Variants in EEIG2 observed in about 807,000 individuals in gnomAD.
The protein encoded by EEIG2 is family with sequence similarity 102 member B.
chr1:108,605,747 C>T, the EEIG2 span, among the ~76,000 whole-genome samples: 4 of 152,142 alleles, frequency 2.6e-5, no homozygotes, highest in African/African-American at 4.8e-5. Context: ...AGCCTTTTCA[C>T]ATTAGGTAAG....
At chr1:108,626,395 TAGA>T in the EEIG2 span, 2 of 152,186 alleles carry the variant, frequency 1.3e-5, no homozygotes, top group African/African-American at 4.8e-5. Context: ...CGGGACACAG[TAGA>T]TGAGTGACTG....
At chr1:108,582,537 T>C in the EEIG2 span, among the ~76,000 whole-genome samples, 1 of 152,334 alleles carries the variant, frequency 6.6e-6, no homozygotes, top group African/African-American at 2.4e-5. Flanking sequence ...TGTTACGAAT[T>C]CTTAATTTTT....
the EEIG2 span, among the ~76,000 whole-genome samples, chr1:108,623,392 GA>G: frequency 6.6e-6 from 1 of 152,298 alleles, no homozygotes; most frequent in African/African-American, 2.4e-5. Context: ...CTAACTGGGG[GA>G]CTAAGGAAGA....
the EEIG2 span, among the ~76,000 whole-genome samples, chr1:108,568,029 A>G: frequency 6.6e-6 from 1 of 152,108 alleles, no homozygotes. Flanking sequence ...AAAAGAAAAG[A>G]AAAATGGTAC....
the EEIG2 span, among the ~76,000 whole-genome samples, chr1:108,622,401 C>T: frequency 1.3e-5 from 2 of 151,882 alleles, no homozygotes; most frequent in Non-Finnish European, 2.9e-5. Context: ...GTACAAAGGC[C>T]AAAACTCAAG....
At chr1:108,579,894 A>C in the EEIG2 span, among the ~76,000 whole-genome samples, 1 of 152,010 alleles carries the variant, frequency 6.6e-6, no homozygotes, top group African/African-American at 2.4e-5. Context: ...TATCCTGAGT[A>C]GCTGAGACTA....
At chr1:108,632,727 AATGAC>A in the EEIG2 span, among the ~76,000 whole-genome samples, 1 of 152,168 alleles carries the variant, frequency 6.6e-6, no homozygotes, top group Non-Finnish European at 1.5e-5. Flanking sequence ...TTAAAGGGTA[AATGAC>A]ATAATATACT....
At chr1:108,633,732 T>C in the EEIG2 span, among the ~76,000 whole-genome samples, 2 of 152,254 alleles carry the variant, frequency 1.3e-5, no homozygotes, top group Admixed American at 1.3e-4. Flanking sequence ...GTGTTTATTC[T>C]GCCTGGGGTT....
At chr1:108,627,277 G>A in the EEIG2 span, 1 of 152,324 alleles carries the variant, frequency 6.6e-6, no homozygotes, top group African/African-American at 2.4e-5. Flanking sequence ...CTTTGCAGAA[G>A]GACCAGGTTA....
chr1:108,619,498 A>T, the EEIG2 span, among the ~76,000 whole-genome samples: 3 of 152,254 alleles, frequency 2.0e-5, no homozygotes, highest in African/African-American at 7.2e-5. Flanking sequence ...TATGTCAAAT[A>T]TGTAAAGTCA....
At chr1:108,560,324 ACAGCTCGC>A in the EEIG2 span, 1 of 929,724 alleles carries the variant, frequency 1.1e-6, no homozygotes, top group Non-Finnish European at 1.3e-6. Context: ...GCCCCCGCGC[ACAGCTCGC>A]GGCCCCGGCC....
the EEIG2 span, chr1:108,635,778 A>G: frequency 2.6e-5 from 4 of 152,426 alleles, no homozygotes; most frequent in African/African-American, 9.6e-5. Context: ...AGTCAGAGAT[A>G]CGTGAATGGA....
the EEIG2 span, among the ~76,000 whole-genome samples, chr1:108,599,605 G>C: frequency 6.6e-6 from 1 of 152,164 alleles, no homozygotes; most frequent in South Asian, 2.1e-4. Flanking sequence ...GGACAAGTGG[G>C]CTTTAGATTT....
chr1:108,591,992 C>T, the EEIG2 span, among the ~76,000 whole-genome samples: 1 of 152,176 alleles, frequency 6.6e-6, no homozygotes, highest in Non-Finnish European at 1.5e-5. Context: ...AAAGAGGCCC[C>T]ATTAAGGAGG....
chr1:108,560,318 C>G, the EEIG2 span: 1 of 893,384 alleles, frequency 1.1e-6, no homozygotes, highest in East Asian at 1.1e-4. Flanking sequence ...GGCCGCGCCC[C>G]CGCGCACAGC....
chr1:108,591,563 C>T, the EEIG2 span, among the ~76,000 whole-genome samples: 1 of 152,178 alleles, frequency 6.6e-6, no homozygotes, highest in Non-Finnish European at 1.5e-5. Flanking sequence ...ATAGGAGACT[C>T]TGCCAGAAAC....
the EEIG2 span, among the ~76,000 whole-genome samples, chr1:108,603,323 A>G: frequency 6.6e-6 from 1 of 152,208 alleles, no homozygotes; most frequent in Non-Finnish European, 1.5e-5. Context: ...GGTCTAAAGG[A>G]ACAAAAACTG....
At chr1:108,585,118 T>C in the EEIG2 span, among the ~76,000 whole-genome samples, 2 of 152,168 alleles carry the variant, frequency 1.3e-5, no homozygotes, top group African/African-American at 2.4e-5. Flanking sequence ...TCCGTCATTA[T>C]GCTAATCAAG....
the EEIG2 span, among the ~76,000 whole-genome samples, chr1:108,583,076 A>C: frequency 6.6e-6 from 1 of 152,176 alleles, no homozygotes; most frequent in Non-Finnish European, 1.5e-5. Context: ...AATATCTTAA[A>C]ATATAGCTTT....
Sources: gnomAD v4.1 joint callset for allele counts (sites outside exome capture counted in the v4.1 genomes callset) on GRCh38, gnomAD v4.1.1 for gene constraint, MANE v1.5 for transcripts, NCBI Gene and HGNC (gene_info 2026-07-23, HGNC 2026-07-21) for gene names.